The following TTC8 variants were observed in gnomAD, a reference collection of about 807,000 sequenced individuals.
The protein encoded by TTC8 is tetratricopeptide repeat protein 8.
A neutral mutation model predicts 72.5 loss-of-function variants in TTC8; 47 were observed. The ratio of observed to expected loss-of-function variants is 0.65; its 90% confidence interval spans 0.51 to 0.83. The LOEUF is 0.83. TTC8 is among the 40% of genes least tolerant of loss of function. TTC8 has a pLI of 0.00. For synonymous variants in TTC8, 199 were observed against 221.4 expected (o/e 0.90, Z 0.90); for missense variants, 611 against 623.2 (o/e 0.98, Z 0.21).
At chr14:88,867,250 TG>T (rs967792756) in intron 10 of TTC8, among the ~76,000 whole-genome samples, 1 of 152,216 alleles carries the variant, frequency 6.6e-6, no homozygotes, top group African/African-American at 2.4e-5. Flanking sequence ...TTTTATAGCA[TG>T]TTTTTTGGTT....
chr14:88,857,519 A>G (rs1253075562), intron 9 of TTC8, among the ~76,000 whole-genome samples: 1 of 152,182 alleles, frequency 6.6e-6, no homozygotes, highest in Non-Finnish European at 1.5e-5. Context: ...CCATTAGGAC[A>G]GGAGAAAATA....
At chr14:88,868,867 A>G (rs566207272) in intron 10 of TTC8, among the ~76,000 whole-genome samples, 10 of 152,334 alleles carry the variant, frequency 6.6e-5, no homozygotes, top group African/African-American at 1.9e-4. Flanking sequence ...TGGAGACAAT[A>G]GTGGAGCACT....
intron 6 of TTC8, among the ~76,000 whole-genome samples, chr14:88,841,734 C>G (rs2094782708): frequency 6.6e-6 from 1 of 152,018 alleles, no homozygotes; most frequent in African/African-American, 2.4e-5. Context: ...AATTCTTTTC[C>G]CTTGATAAAG....
chr14:88,837,951 T>C (rs1360525488), intron 2 of TTC8, among the ~76,000 whole-genome samples: 1 of 152,192 alleles, frequency 6.6e-6, no homozygotes, highest in East Asian at 1.9e-4. Context: ...TTGTGTTAAA[T>C]TCATACATAA....
At chr14:88,858,718 T>C (rs1255750314) in intron 9 of TTC8, among the ~76,000 whole-genome samples, 1 of 150,734 alleles carries the variant, frequency 6.6e-6, no homozygotes, top group Non-Finnish European at 1.5e-5. Flanking sequence ...CTCAGCCTCC[T>C]GAGTAGCTGG....
chr14:88,875,135 CATCTG>C, intron 14 of TTC8, 26 bp downstream of exon 14: 1 of 1,559,154 alleles, frequency 6.4e-7, no homozygotes, highest in Non-Finnish European at 8.8e-7. Flanking sequence ...ATTAATTTAT[CATCTG>C]ATCTGTTCTT....
rs908446827 is a variant in TTC8, at chr14:88,874,935, A to G, written c.1348-91A>G. On this transcript the variant is annotated intron_variant, in intron 13 of 14. Transcript: ENST00000380656. Reference sequence around the variant, plus strand: ...TGTTATTAAAGTCCTGTCATAGGTAAAGAATTCTTTTACCAAAAAAAAAAC... The same window carrying G: ...TGTTATTAAAGTCCTGTCATAGGTAGAGAATTCTTTTACCAAAAAAAAAAC... 115 of 930,934 alleles carry G rather than the reference A, an allele frequency of 1.2e-4. No homozygotes were observed. The African/African-American group carries it at 1.9e-3, about 15-fold the overall frequency. The allele number at this position is 930,934 out of a possible 1,614,324, so 57.7% of individuals were successfully genotyped here. A position where few individuals can be genotyped will look rare whatever the true frequency, so the allele number is the denominator to read the frequency against.
chr14:88,825,410 G>C (rs1424216575), intron 1 of TTC8, among the ~76,000 whole-genome samples: 1 of 152,144 alleles, frequency 6.6e-6, no homozygotes, highest in African/African-American at 2.4e-5. Context: ...CCTAGGCAAG[G>C]GAAGCTCTAA....
At chr14:88,848,079 C>T (rs891831088) in intron 7 of TTC8, among the ~76,000 whole-genome samples, 3 of 144,828 alleles carry the variant, frequency 2.1e-5, no homozygotes, top group Admixed American at 1.4e-4. Context: ...GCCCAGATCG[C>T]GCCACTGCAT....
At chr14:88,873,838 T>G (rs1239657821) in intron 13 of TTC8, among the ~76,000 whole-genome samples, 1 of 152,170 alleles carries the variant, frequency 6.6e-6, no homozygotes, top group Non-Finnish European at 1.5e-5. Context: ...AACGGAGGCT[T>G]GAGAAGGGTG....
At chr14:88,879,024 C>CAGTGGGAGGATGCG, downstream of TTC8, 1 of 152,136 alleles carries the variant, frequency 6.6e-6, no homozygotes, top group African/African-American at 2.4e-5. Flanking sequence ...AATAAATCTA[C>CAGTGGGAGGATGCG]TACCATTTAA....
chr14:88,861,464 C>T (rs2094885637), intron 10 of TTC8, 132 bp downstream of exon 10: 1 of 636,694 alleles, frequency 1.6e-6, no homozygotes, highest in South Asian at 2.0e-5. Context: ...TATCTATCAC[C>T]TCAAACATTT....
At chr14:88,868,249 G>T (rs1052270130) in intron 10 of TTC8, among the ~76,000 whole-genome samples, 1 of 152,174 alleles carries the variant, frequency 6.6e-6, no homozygotes, top group Non-Finnish European at 1.5e-5. Flanking sequence ...TGTTATGTAT[G>T]TGAACATGTA....
intron 8 of TTC8, among the ~76,000 whole-genome samples, 187 bp from the exon 9 acceptor site, chr14:88,857,003 A>G (rs2094859293): frequency 6.6e-6 from 1 of 152,230 alleles, no homozygotes; most frequent in Non-Finnish European, 1.5e-5. Flanking sequence ...GTTAGAAGCC[A>G]GTGAATATGG....
Position 88,840,942 on chromosome 14 carries a change from C to G in TTC8, c.329+14C>G. On this transcript the variant is annotated intron_variant, in intron 4 of 14. Coordinates refer to ENST00000380656, the MANE Select transcript of TTC8 (RefSeq NM_144596.4). ...CCAGGCCGTTAGGTATGTACTTCTG[C>G]TTCATAACCTCTGCCACTAAATATT... 2 of 1,614,122 alleles carry G rather than the reference C, an allele frequency of 1.2e-6. No individual in the cohort carries two copies. Among genetic ancestry groups the G allele is most frequent in the Non-Finnish European group, 1.7e-6 (2 of 1,179,972 alleles).
At chr14:88,864,145 G>A (rs2094899887) in intron 10 of TTC8, among the ~76,000 whole-genome samples, 1 of 152,014 alleles carries the variant, frequency 6.6e-6, no homozygotes, top group Non-Finnish European at 1.5e-5. Context: ...TATACTTTCT[G>A]TATTTTCTAG....
At chr14:88,857,300 G>A in intron 9 of TTC8, 23 bp downstream of exon 9, 1 of 1,582,722 alleles carries the variant, frequency 6.3e-7, no homozygotes, top group Non-Finnish European at 8.7e-7. Context: ...TAATTTGAGT[G>A]AAATCTGCCT....
Position 88,870,133 on chromosome 14 carries a change from C to T in TTC8, c.984C>T (p.Ala328=). 1.9e-6 allele frequency: 3 copies of T among 1,613,996 alleles called. No homozygotes were observed. Among genetic ancestry groups the T allele is most frequent in the Non-Finnish European group, 2.5e-6 (3 of 1,179,924 alleles). The change falls in exon 11 of 15, where the codon GCC becomes GCT. Residue 328 remains alanine (A), a synonymous_variant. Transcript: ENST00000380656. ...VLKQDNTHVE[A]IACIGSNHFY... ...AACAAGACAATACTCATGTGGAAGC[C>T]ATCGCATGCATTGGAAGCAACCACT...
intron 7 of TTC8, among the ~76,000 whole-genome samples, chr14:88,845,988 T>G (rs2140986394): frequency 6.6e-6 from 1 of 151,412 alleles, no homozygotes; most frequent in East Asian, 1.9e-4. Flanking sequence ...GATGCTATTT[T>G]GGATGGAGGG....
Sources: allele counts gnomAD v4.1 joint callset (sites outside exome capture counted in the v4.1 genomes callset), GRCh38; gene constraint gnomAD v4.1.1; transcripts MANE v1.5; gene names NCBI Gene and HGNC (gene_info 2026-07-23, HGNC 2026-07-21).